Variants in UNC5C observed in about 807,000 individuals in gnomAD.
UNC5C encodes the protein netrin receptor UNC5C.
A neutral mutation model predicts 99.8 loss-of-function variants in UNC5C; 47 were observed. The ratio of observed to expected loss-of-function variants is 0.47; its 90% CI spans 0.37 to 0.60. The LOEUF is 0.60. Among genes scored for constraint, UNC5C ranks in the 20% least tolerant of loss-of-function variants. The pLI is 0.00. For synonymous variants in UNC5C, 487 were observed against 452.2 expected (o/e 1.08, Z -0.98); for missense variants, 1,062 against 1,165.9 (o/e 0.91, Z 1.30).
At chr4:95,383,613 C>T (rs1163158947) in intron 1 of UNC5C, among the ~76,000 whole-genome samples, 1 of 152,152 alleles carries the variant, frequency 6.6e-6, no homozygotes, top group African/African-American at 2.4e-5. Flanking sequence ...TACCCAACAA[C>T]AGCAAACCAG....
chr4:95,342,524 A>G (rs1030183440), intron 1 of UNC5C, among the ~76,000 whole-genome samples: 2 of 152,078 alleles, frequency 1.3e-5, no homozygotes, highest in African/African-American at 2.4e-5. Context: ...CAGGCGGTAC[A>G]TGCTGTGGTT....
At chr4:95,459,269 T>C (rs1747530538) in intron 1 of UNC5C, among the ~76,000 whole-genome samples, 1 of 152,164 alleles carries the variant, frequency 6.6e-6, no homozygotes, top group Non-Finnish European at 1.5e-5. Flanking sequence ...AATTCAAGTA[T>C]TTTCATATGG....
chr4:95,336,615 T>C (rs1743359888), intron 1 of UNC5C, among the ~76,000 whole-genome samples: 1 of 151,916 alleles, frequency 6.6e-6, no homozygotes, highest in African/African-American at 2.4e-5. Context: ...ATAGTGGACA[T>C]CTGTCCACTA....
intron 3 of UNC5C, among the ~76,000 whole-genome samples, chr4:95,285,289 G>C (rs967061903): frequency 2.6e-5 from 4 of 151,796 alleles, no homozygotes; most frequent in African/African-American, 9.7e-5. Flanking sequence ...TTCTTCAATG[G>C]GTATACTTCA....
intron 1 of UNC5C, among the ~76,000 whole-genome samples, chr4:95,530,239 T>C (rs543128214): frequency 6.6e-6 from 1 of 152,328 alleles, no homozygotes; most frequent in African/African-American, 2.4e-5. Context: ...AGTGAATGAT[T>C]GACTTTTCCA....
In UNC5C at chr4:95,167,027, A is replaced by C. The variant is rs554154937; in HGVS notation, c.*2207T>G. ...CCAAAACAGAAGATACGGAATAAAA[A>C]GCATGAAAGAAAGAAGAGGTTCCAT... On this transcript the variant is annotated 3_prime_UTR_variant, in exon 16 of 16. Coordinates refer to ENST00000453304, the MANE Select transcript of UNC5C (RefSeq NM_003728.4). 1 of 152,334 alleles carries C rather than the reference A, an allele frequency of 6.6e-6. No homozygotes were observed. The highest frequency in any genetic ancestry group is 2.4e-5 in the African/African-American group (1 of 41,578). 9.4% of individuals were successfully genotyped at this position (152,334 alleles called of 1,614,324 possible).
chr4:95,292,654 GA>G (rs1741520157), intron 3 of UNC5C, among the ~76,000 whole-genome samples: 1 of 152,144 alleles, frequency 6.6e-6, no homozygotes, highest in Non-Finnish European at 1.5e-5. Flanking sequence ...GTGCTATGCA[GA>G]AACGTAATAA....
intron 1 of UNC5C, among the ~76,000 whole-genome samples, chr4:95,404,135 C>A (rs1027592175): frequency 2.0e-5 from 3 of 152,130 alleles, no homozygotes; most frequent in Admixed American, 2.0e-4. Context: ...GTATACAATT[C>A]TTAAGCCATT....
chr4:95,224,555 T>G (rs1268545300), intron 7 of UNC5C, among the ~76,000 whole-genome samples: 1 of 152,186 alleles, frequency 6.6e-6, no homozygotes, highest in Non-Finnish European at 1.5e-5. Context: ...GTTTTGTGCC[T>G]TATGGTATTT....
At chr4:95,424,513 C>CTTTTTTTTTTTTTT (rs1746409640) in intron 1 of UNC5C, among the ~76,000 whole-genome samples, 6 of 85,018 alleles carry the variant, frequency 7.1e-5, no homozygotes, top group East Asian at 1.1e-3. Context: ...TTTTTTTTTT[C>CTTTTTTTTTTTTTT]TTTTCTTTTT....
chr4:95,199,445 T>A (rs971829111), intron 12 of UNC5C, among the ~76,000 whole-genome samples: 2 of 152,136 alleles, frequency 1.3e-5, no homozygotes, highest in African/African-American at 4.8e-5. Context: ...TTCATGTTTG[T>A]TTCAGGCTAA....
At chr4:95,520,623 G>A (rs1353727369) in intron 1 of UNC5C, among the ~76,000 whole-genome samples, 4 of 142,884 alleles carry the variant, frequency 2.8e-5, no homozygotes, top group African/African-American at 5.2e-5. Flanking sequence ...TTTTGAGACG[G>A]AGTCTCCCTC....
chr4:95,202,836 C>T lies in UNC5C; in HGVS notation c.2031G>A (p.Ala677=), dbSNP rs556748306. The change falls in exon 12 of 16, where the codon GCG becomes GCA. Residue 677 remains alanine, a synonymous_variant. Transcript: ENST00000453304. ...TGGCCAGCTTGAGGCGCTTCGCAGC[C>T]GCTTTGGTGGTGGAATGTCCTACCA... is the stretch of plus-strand genomic sequence containing the variant. The part of the protein sequence containing the change: ...YALVGHSTTK[A]AAKRLKLAIF... 67 of 1,614,204 alleles carry T rather than the reference C, an allele frequency of 4.2e-5. No individual in the cohort carries two copies. The highest frequency in any genetic ancestry group is 1.7e-4 in the Middle Eastern group (1 of 6,060).
chr4:95,393,389 G>C (rs533172369), intron 1 of UNC5C, among the ~76,000 whole-genome samples: 1 of 152,148 alleles, frequency 6.6e-6, no homozygotes, highest in Non-Finnish European at 1.5e-5. Flanking sequence ...AGGAATCAAG[G>C]GGGGAATATC....
At chr4:95,542,459 C>T (rs143593665) in intron 1 of UNC5C, among the ~76,000 whole-genome samples, 1 of 152,144 alleles carries the variant, frequency 6.6e-6, no homozygotes, top group African/African-American at 2.4e-5. Flanking sequence ...AGCTATAGCT[C>T]ACTTTCTAAA....
At chr4:95,463,927 G>C (rs10516974) in intron 1 of UNC5C, among the ~76,000 whole-genome samples, 7,930 of 152,208 alleles carry the variant, frequency 0.052, 539 homozygotes, top group African/African-American at 0.14. Flanking sequence ...CTATTATTAA[G>C]TCACCAGTAT....
At chr4:95,314,036 A>C (rs1233843170) in intron 2 of UNC5C, among the ~76,000 whole-genome samples, 1 of 152,224 alleles carries the variant, frequency 6.6e-6, no homozygotes, top group Non-Finnish European at 1.5e-5. Flanking sequence ...AAATCCATAA[A>C]ATGTCTTTAA....
rs201959747 is a variant in UNC5C at position 95,170,202 on chromosome 4, G to A, written c.2582C>T (p.Thr861Met). The change falls in exon 15 of 16, where the codon ACG becomes ATG. Residue 861 changes from threonine to methionine, a missense_variant. Physicochemically the swap from Thr to Met is moderately conservative, Grantham distance 81. Transcript: ENST00000453304. ...KLCSSLDAPQ[T>M]RGHDWRMLAH... The stretch of plus-strand genomic sequence containing the variant: ...CAGCATCCTCCAGTCATGGCCTCTC[G>A]TCTGGGGGGCATCCAGGCTGCTACA... 1.7e-4 allele frequency: 278 copies of A among 1,614,014 alleles called. 2 individuals are homozygous for A. Among genetic ancestry groups the A allele is most frequent in the Middle Eastern group, 8.2e-4 (5 of 6,084 alleles).
In UNC5C at chr4:95,412,164, A is replaced by G. The variant is rs550417627; in HGVS notation, c.125-76533T>C. Among the ~76,000 whole-genome samples, 8 of 152,216 alleles carry G rather than the reference A, an allele frequency of 5.3e-5. No homozygotes were observed. In the South Asian group the frequency reaches 8.3e-4, roughly 16 times the overall value. On this transcript the variant is annotated intron_variant, in intron 1 of 15. Transcript: ENST00000453304. ...TCAACACTCACATTCAAGTCATGCCAACTGACTTGTAATTCTCCAGAGTGT... is the reference window on the plus strand; with the variant it reads ...TCAACACTCACATTCAAGTCATGCCGACTGACTTGTAATTCTCCAGAGTGT...
Sources: allele counts gnomAD v4.1 joint callset (sites outside exome capture counted in the v4.1 genomes callset), GRCh38; gene constraint gnomAD v4.1.1; transcripts MANE v1.5; gene names NCBI Gene and HGNC (gene_info 2026-07-23, HGNC 2026-07-21).